RAP1A: variants seen among roughly 807,000 people sequenced by gnomAD.
RAP1A encodes ras-related protein Rap-1A.
RAP1A carries 6 observed loss-of-function variants against 26.4 expected under a neutral mutation model. The ratio of observed to expected loss-of-function variants is 0.23; its 90% confidence interval spans 0.12 to 0.45. The LOEUF (loss-of-function observed/expected upper bound fraction) is 0.45. Among genes scored for constraint, RAP1A ranks in the 20% least tolerant of loss-of-function variants. RAP1A has a pLI of 0.99. For missense variants in RAP1A, 121 were observed against 217.2 expected (o/e 0.56, Z 2.78); for synonymous variants, 73 against 79.4 (o/e 0.92, Z 0.43).
chr1:111,682,891 A>G (rs890354811), intron 1 of RAP1A, among the ~76,000 whole-genome samples: 3 of 152,154 alleles, frequency 2.0e-5, no homozygotes, highest in African/African-American at 7.2e-5. Context: ...GCACCACATA[A>G]CACTTATTCT....
chr1:111,630,725 A>G (rs991821972), intron 1 of RAP1A, among the ~76,000 whole-genome samples: 7 of 152,228 alleles, frequency 4.6e-5, no homozygotes, highest in African/African-American at 1.7e-4. Context: ...CGTTGGTGCA[A>G]AGGCCCTAAA....
intron 1 of RAP1A, among the ~76,000 whole-genome samples, chr1:111,645,647 G>A (rs184741827): frequency 1.2e-4 from 19 of 152,284 alleles, no homozygotes; most frequent in South Asian, 6.2e-4. Context: ...TGTGTTGGGC[G>A]CATAAATGAT....
intron 1 of RAP1A, among the ~76,000 whole-genome samples, chr1:111,583,430 C>G (rs1359672931): frequency 1.3e-5 from 2 of 150,592 alleles, no homozygotes; most frequent in Admixed American, 1.3e-4. Flanking sequence ...ATGATTGCGC[C>G]ACTCCACTCC....
chr1:111,709,912 TTTC>T (rs1662324527), intron 7 of RAP1A, among the ~76,000 whole-genome samples: 1 of 152,238 alleles, frequency 6.6e-6, no homozygotes, highest in Admixed American at 6.5e-5. Context: ...ATTTAAGTTC[TTTC>T]TTTGGGGGAA....
intron 1 of RAP1A, among the ~76,000 whole-genome samples, chr1:111,637,456 C>T (rs1659759834): frequency 6.6e-6 from 1 of 152,066 alleles, no homozygotes; most frequent in Non-Finnish European, 1.5e-5. Flanking sequence ...GTGTTTTATG[C>T]ACTAAAAGAA....
At chr1:111,632,779 G>T (rs1429363075) in intron 1 of RAP1A, among the ~76,000 whole-genome samples, 4 of 151,922 alleles carry the variant, frequency 2.6e-5, no homozygotes, top group African/African-American at 9.7e-5. Context: ...AAACTAGCTG[G>T]GCGCGGTGGC....
intron 1 of RAP1A, among the ~76,000 whole-genome samples, chr1:111,547,027 C>T (rs2101030844): frequency 1.3e-5 from 2 of 152,236 alleles, no homozygotes; most frequent in Middle Eastern, 3.4e-3. Context: ...CTTTTTGATG[C>T]TGTTGTGCAT....
intron 1 of RAP1A, among the ~76,000 whole-genome samples, chr1:111,658,136 G>A (rs545436481): frequency 2.0e-5 from 3 of 152,242 alleles, no homozygotes; most frequent in South Asian, 2.1e-4. Context: ...ACAGGGATAC[G>A]TTCGGAGAAA....
intron 1 of RAP1A, among the ~76,000 whole-genome samples, chr1:111,545,498 G>C (rs1020717691): frequency 6.6e-6 from 1 of 151,686 alleles, no homozygotes; most frequent in African/African-American, 2.4e-5. Context: ...GAATTTTAAG[G>C]GTTCTTTATG....
chr1:111,684,532 A>G (rs1448400541), intron 1 of RAP1A, among the ~76,000 whole-genome samples: 2 of 152,332 alleles, frequency 1.3e-5, no homozygotes, highest in South Asian at 2.1e-4. Context: ...CCCATTCACA[A>G]TTGCTACCAA....
intron 3 of RAP1A, 115 bp from the exon 4 acceptor site, chr1:111,697,326 T>C: frequency 6.4e-7 from 1 of 1,567,530 alleles, no homozygotes; most frequent in East Asian, 2.3e-5. Flanking sequence ...TACAGCATAC[T>C]GCTGGAGACA....
chr1:111,636,210 C>G (rs1659725192), intron 1 of RAP1A, among the ~76,000 whole-genome samples: 1 of 152,076 alleles, frequency 6.6e-6, no homozygotes, highest in Non-Finnish European at 1.5e-5. Flanking sequence ...AGTGACGTGA[C>G]TTTTGTTCTC....
chr1:111,708,272 C>CA (rs1662262789), intron 6 of RAP1A, among the ~76,000 whole-genome samples: 2 of 152,022 alleles, frequency 1.3e-5, no homozygotes, highest in Non-Finnish European at 2.9e-5. Context: ...AAATTAACAT[C>CA]AAAAAAAGGC....
At chr1:111,545,460 A>G (rs1010222541) in intron 1 of RAP1A, among the ~76,000 whole-genome samples, 2 of 151,972 alleles carry the variant, frequency 1.3e-5, no homozygotes, top group Non-Finnish European at 2.9e-5. Flanking sequence ...GCTCATTTTT[A>G]AATTGGATTA....
At chr1:111,636,379 A>T (rs1322657904) in intron 1 of RAP1A, among the ~76,000 whole-genome samples, 1 of 152,118 alleles carries the variant, frequency 6.6e-6, no homozygotes, top group Non-Finnish European at 1.5e-5. Context: ...GTAGCAATTC[A>T]ATTCATGAGT....
At chr1:111,674,137 C>T (rs867094518) in intron 1 of RAP1A, among the ~76,000 whole-genome samples, 3 of 152,090 alleles carry the variant, frequency 2.0e-5, no homozygotes, top group African/African-American at 4.8e-5. Context: ...TTGAAAGATA[C>T]GCATTTTTGG....
chr1:111,638,942 C>G (rs1243778131), intron 1 of RAP1A, among the ~76,000 whole-genome samples: 10 of 151,498 alleles, frequency 6.6e-5, no homozygotes, highest in Admixed American at 6.6e-4. Context: ...CTTTTAGGTC[C>G]AGGCAGTAAT....
chr1:111,712,153 C>T (rs930086391), intron 7 of RAP1A, among the ~76,000 whole-genome samples: 3 of 152,056 alleles, frequency 2.0e-5, no homozygotes, highest in African/African-American at 7.2e-5. Flanking sequence ...TAATGGGAAA[C>T]ACTATAATTG....
chr1:111,610,012 A>G (rs1256745625), intron 1 of RAP1A, among the ~76,000 whole-genome samples: 1 of 152,198 alleles, frequency 6.6e-6, no homozygotes, highest in Non-Finnish European at 1.5e-5. Context: ...TTAGTTTAAC[A>G]TCATTCACGT....
Sources: allele counts gnomAD v4.1 joint callset (sites outside exome capture counted in the v4.1 genomes callset), GRCh38; gene constraint gnomAD v4.1.1; transcripts MANE v1.5; gene names NCBI Gene and HGNC (gene_info 2026-07-23, HGNC 2026-07-21).